The following RALYL variants were observed in gnomAD, a reference collection of about 807,000 sequenced individuals.
RALYL encodes the protein RNA-binding Raly-like protein.
RALYL carries 29 observed loss-of-function variants against 35.1 expected under a neutral mutation model. That is an observed-to-expected ratio of 0.83 (90% confidence interval 0.61 to 1.13). RALYL has a LOEUF of 1.13. Ranked by LOEUF, RALYL falls within the 50% of genes most tolerant of loss-of-function variation. The probability of loss-of-function intolerance (pLI) is 0.00; values close to 1 mark genes in which losing one functional copy is unlikely to be tolerated. For synonymous variants in RALYL, 120 were observed against 127.6 expected, an observed-to-expected ratio of 0.94 and a Z score of 0.40; for missense variants, 359 against 360.4, an observed-to-expected ratio of 1.00 and a Z score of 0.03.
At chr8:84,643,385 G>A (rs926407001) in intron 2 of RALYL, among the ~76,000 whole-genome samples, 1 of 152,098 alleles carries the variant, frequency 6.6e-6, no homozygotes, top group African/African-American at 2.4e-5. Flanking sequence ...TAGTTCCAAA[G>A]TTTGTTGACT....
chr8:84,460,847 T>C (rs980150569), intron 1 of RALYL, among the ~76,000 whole-genome samples: 2 of 151,628 alleles, frequency 1.3e-5, no homozygotes, highest in East Asian at 1.9e-4. Context: ...ATATAAGCTT[T>C]TGTAAATCTT....
At chr8:84,882,753 TCACA>T (rs1355833902) in intron 7 of RALYL, among the ~76,000 whole-genome samples, 5 of 151,366 alleles carry the variant, frequency 3.3e-5, no homozygotes, top group African/African-American at 4.8e-5. Flanking sequence ...ACATACACAC[TCACA>T]CAATCACATT....
rs1170894200 is a variant in RALYL, at chr8:84,346,034, T to C, written c.-24+161610T>C. 6 of 959,194 alleles carry C rather than the reference T, an allele frequency of 6.3e-6. No individual in the cohort carries two copies. The Admixed American group carries it at 3.7e-4, about 59-fold the overall frequency. 59.4% of individuals were successfully genotyped at this position (959,194 alleles called of 1,614,324 possible). On this transcript the variant is annotated intron_variant, in intron 1 of 8. Coordinates refer to ENST00000521268, the MANE Select transcript of RALYL (RefSeq NM_173848.7). ...TTATAACTTGTATGCATTTCTCTTA[T>C]TCAAAATTATCCTAATGAAATGGGT... is the stretch of plus-strand genomic sequence containing the variant.
chr8:84,617,101 T>C (rs939468724), intron 2 of RALYL, among the ~76,000 whole-genome samples: 1 of 150,642 alleles, frequency 6.6e-6, no homozygotes, highest in Non-Finnish European at 1.5e-5. Flanking sequence ...ATATGAACTT[T>C]AAAGTAGTTT....
At chr8:84,425,706 G>C (rs997104945) in intron 1 of RALYL, among the ~76,000 whole-genome samples, 3 of 152,028 alleles carry the variant, frequency 2.0e-5, no homozygotes, top group Middle Eastern at 3.2e-3. Flanking sequence ...TGTCACTCCA[G>C]AGACCCTCCA....
At chr8:84,826,100 T>C (rs1182657073) in intron 4 of RALYL, among the ~76,000 whole-genome samples, 4 of 151,924 alleles carry the variant, frequency 2.6e-5, no homozygotes, top group African/African-American at 4.8e-5. Context: ...GAGCTAAACA[T>C]TGGCTACTCA....
intron 1 of RALYL, among the ~76,000 whole-genome samples, chr8:84,301,144 T>C (rs984658973): frequency 2.6e-5 from 4 of 152,040 alleles, no homozygotes; most frequent in Non-Finnish European, 4.4e-5. Context: ...AAATGAAGCT[T>C]AATTTGGCTG....
At chr8:84,560,037 C>T (rs916677657) in intron 2 of RALYL, among the ~76,000 whole-genome samples, 3 of 150,236 alleles carry the variant, frequency 2.0e-5, no homozygotes, top group South Asian at 2.1e-4. Context: ...CAAAAATGAA[C>T]GTATTGGAAG....
intron 1 of RALYL, among the ~76,000 whole-genome samples, chr8:84,413,388 C>G (rs945588580): frequency 7.2e-4 from 109 of 151,596 alleles, no homozygotes; most frequent in African/African-American, 2.3e-3. Flanking sequence ...GTTAGTCCAG[C>G]TATACATTGT....
intron 2 of RALYL, among the ~76,000 whole-genome samples, chr8:84,760,694 G>A (rs572235796): frequency 1.8e-4 from 28 of 152,128 alleles, no homozygotes; most frequent in Admixed American, 6.5e-4. Context: ...AAGAATTTCA[G>A]TTATTAAAAG....
intron 1 of RALYL, among the ~76,000 whole-genome samples, chr8:84,518,934 C>A (rs2058259325): frequency 6.6e-6 from 1 of 152,136 alleles, no homozygotes; most frequent in Admixed American, 6.6e-5. Flanking sequence ...TTACCTCCTG[C>A]AATTTAGCTC....
At chr8:84,600,413 C>T (rs949219566) in intron 2 of RALYL, among the ~76,000 whole-genome samples, 1 of 152,200 alleles carries the variant, frequency 6.6e-6, no homozygotes, top group African/African-American at 2.4e-5. Flanking sequence ...CTTGGCTGGA[C>T]TTATTTAGTT....
At chr8:84,210,889 G>A (rs994277255) in intron 1 of RALYL, among the ~76,000 whole-genome samples, 9 of 151,068 alleles carry the variant, frequency 6.0e-5, no homozygotes, top group Admixed American at 1.3e-4. Context: ...GTGTGCTCTC[G>A]GCATTGATGT....
At chr8:84,690,918 C>G (rs1201572472) in intron 2 of RALYL, among the ~76,000 whole-genome samples, 1 of 151,906 alleles carries the variant, frequency 6.6e-6, no homozygotes, top group Non-Finnish European at 1.5e-5. Context: ...ATCAGTGAAG[C>G]AAAGTTATAG....
chr8:84,364,224 G>T (rs1853724014), intron 1 of RALYL, among the ~76,000 whole-genome samples: 1 of 152,142 alleles, frequency 6.6e-6, no homozygotes, highest in South Asian at 2.1e-4. Context: ...CAAAATGAGG[G>T]AGGCTGCCAT....
chr8:84,425,818 T>TGC (rs2132541237), intron 1 of RALYL, among the ~76,000 whole-genome samples: 1 of 151,820 alleles, frequency 6.6e-6, no homozygotes, highest in East Asian at 1.9e-4. Context: ...TGTGTGTGTG[T>TGC]GTGTGTAAGT....
At chr8:84,881,224 A>T (rs1586941190) in intron 7 of RALYL, among the ~76,000 whole-genome samples, 2 of 151,962 alleles carry the variant, frequency 1.3e-5, no homozygotes, top group African/African-American at 4.8e-5. Flanking sequence ...CATCCAAAAT[A>T]AGTTGTATTT....
Position 84,680,172 on chromosome 8 carries a change from T to A in RALYL, c.257-94407T>A, listed in dbSNP as rs7836511. On this transcript the variant is annotated intron_variant, in intron 2 of 8. Transcript: ENST00000521268. The stretch of plus-strand genomic sequence containing the variant: ...AGCTTCATCCATGTCCCTACAAAGG[T>A]CATGAACTCATCTTTTTTATGGCTG... Among the ~76,000 whole-genome samples, 577 of 152,210 alleles carry A rather than the reference T, an allele frequency of 3.8e-3. 6 individuals carry two copies. The highest frequency in any genetic ancestry group is 0.013 in the African/African-American group (547 of 41,558).
intron 2 of RALYL, among the ~76,000 whole-genome samples, chr8:84,667,730 AT>A (rs1396940985): frequency 6.6e-6 from 1 of 152,080 alleles, no homozygotes. Flanking sequence ...CCCGGTCATC[AT>A]TGATAACTTC....
Sources: gnomAD v4.1 joint callset for allele counts (sites outside exome capture counted in the v4.1 genomes callset) on GRCh38, gnomAD v4.1.1 for gene constraint, MANE v1.5 for transcripts, NCBI Gene and HGNC (gene_info 2026-07-23, HGNC 2026-07-21) for gene names.